The following GRIN2A variants were observed in gnomAD, a reference collection of about 807,000 sequenced individuals.
The protein encoded by GRIN2A is glutamate ionotropic receptor NMDA type subunit 2A.
Under a neutral mutation model 113.4 loss-of-function variants are expected in GRIN2A, and 22 were observed. The observed-to-expected ratio is 0.19, with a 90% CI of 0.14 to 0.28. The LOEUF (loss-of-function observed/expected upper bound fraction) is 0.28. Among genes scored for constraint, GRIN2A ranks in the 10% least tolerant of loss-of-function variants. GRIN2A has a pLI of 1.00. For missense variants in GRIN2A, 1,502 were observed against 1,887.0 expected (o/e 0.80, Z 3.78); for synonymous variants, 827 against 738.4 (o/e 1.12, Z -1.94).
intron 2 of GRIN2A, among the ~76,000 whole-genome samples, chr16:10,110,339 C>T (rs149178264): frequency 3.8e-4 from 58 of 152,338 alleles, no homozygotes; most frequent in African/African-American, 1.3e-3. Flanking sequence ...CTAGATCACA[C>T]AGGACCTCAT....
intron 2 of GRIN2A, among the ~76,000 whole-genome samples, chr16:10,027,010 C>T (rs1945824844): frequency 6.6e-6 from 1 of 152,166 alleles, no homozygotes; most frequent in South Asian, 2.1e-4. Context: ...TTCCTTTTGC[C>T]TTTCCCTAAT....
chr16:10,073,356 G>T (rs1188622745), intron 2 of GRIN2A, among the ~76,000 whole-genome samples: 1 of 152,178 alleles, frequency 6.6e-6, no homozygotes, highest in African/African-American at 2.4e-5. Flanking sequence ...ATAGACTGCA[G>T]TCTCTAAAGA....
At chr16:9,997,720 C>T (rs1055093481) in intron 2 of GRIN2A, among the ~76,000 whole-genome samples, 1 of 152,148 alleles carries the variant, frequency 6.6e-6, no homozygotes, top group African/African-American at 2.4e-5. Context: ...ATGGGAGGGA[C>T]CCAGTGGGAG....
intron 12 of GRIN2A, 143 bp from the exon 13 acceptor site, chr16:9,765,091 G>T: frequency 9.9e-7 from 1 of 1,011,288 alleles, no homozygotes; most frequent in Non-Finnish European, 1.5e-6. Flanking sequence ...TCTGAATCCT[G>T]ATAATGTCTC....
intron 2 of GRIN2A, among the ~76,000 whole-genome samples, chr16:10,104,024 C>T (rs1011831991): frequency 6.6e-6 from 1 of 152,184 alleles, no homozygotes; most frequent in Non-Finnish European, 1.5e-5. Flanking sequence ...TTATCAATGT[C>T]CTTCTTAAAA....
At chr16:9,785,498 G>A (rs1902184053) in intron 11 of GRIN2A, among the ~76,000 whole-genome samples, 1 of 151,266 alleles carries the variant, frequency 6.6e-6, no homozygotes, top group East Asian at 1.9e-4. Context: ...TAAATGACGA[G>A]TTAATGGGTA....
intron 2 of GRIN2A, among the ~76,000 whole-genome samples, chr16:10,150,531 C>G (rs1043957204): frequency 1.3e-5 from 2 of 152,186 alleles, no homozygotes; most frequent in Non-Finnish European, 2.9e-5. Flanking sequence ...CTCTACCTCT[C>G]AGAACCTGTT....
intron 2 of GRIN2A, among the ~76,000 whole-genome samples, chr16:10,063,820 C>T (rs2047595251): frequency 6.6e-6 from 1 of 152,084 alleles, no homozygotes; most frequent in Non-Finnish European, 1.5e-5. Context: ...AACTTCTAGA[C>T]GTACAGTAGC....
intron 2 of GRIN2A, among the ~76,000 whole-genome samples, chr16:10,011,528 G>A (rs1046468005): frequency 6.6e-6 from 1 of 152,148 alleles, no homozygotes; most frequent in African/African-American, 2.4e-5. Flanking sequence ...TCCAACACAG[G>A]AGGAAAAACA....
chr16:9,782,592 G>T (rs533036194), intron 11 of GRIN2A, among the ~76,000 whole-genome samples: 12 of 152,314 alleles, frequency 7.9e-5, no homozygotes, highest in African/African-American at 2.9e-4. Flanking sequence ...CCACTTTGAT[G>T]GTTCTCTTGA....
chr16:10,013,027 G>C (rs951665782), intron 2 of GRIN2A, among the ~76,000 whole-genome samples: 1 of 152,166 alleles, frequency 6.6e-6, no homozygotes, highest in Non-Finnish European at 1.5e-5. Flanking sequence ...CGGTAGAGGA[G>C]CAGAAAAGAT....
At chr16:9,772,690 G>A (rs1901344540) in intron 11 of GRIN2A, among the ~76,000 whole-genome samples, 1 of 151,940 alleles carries the variant, frequency 6.6e-6, no homozygotes, top group African/African-American at 2.4e-5. Flanking sequence ...TGGAGTCTGG[G>A]AGGACACAAA....
At chr16:10,054,903 C>T (rs1392796186) in intron 2 of GRIN2A, among the ~76,000 whole-genome samples, 2 of 151,000 alleles carry the variant, frequency 1.3e-5, no homozygotes, top group Admixed American at 6.6e-5. Context: ...AAAAATTAGC[C>T]GGACATGGTG....
At chr16:10,130,572 G>A (rs1340587386) in intron 2 of GRIN2A, among the ~76,000 whole-genome samples, 1 of 152,140 alleles carries the variant, frequency 6.6e-6, no homozygotes, top group East Asian at 1.9e-4. Context: ...AAAGGAACAG[G>A]ACATTATATA....
chr16:9,857,049 C>A (rs577880999), intron 4 of GRIN2A, among the ~76,000 whole-genome samples: 1 of 152,160 alleles, frequency 6.6e-6, no homozygotes, highest in South Asian at 2.1e-4. Context: ...CTTATAACCT[C>A]GGTGTAATTA....
Position 10,156,203 on chromosome 16 carries a change from G to A in GRIN2A, c.414+23795C>T, listed in dbSNP as rs1025690995. ...TTTTCAACTCTCTTGCTATGCATGAGGTCAGCCATTTCATGGCTCCACCCA... is the reference window on the plus strand; with the variant it reads ...TTTTCAACTCTCTTGCTATGCATGAAGTCAGCCATTTCATGGCTCCACCCA... On this transcript the variant is annotated intron_variant, in intron 2 of 12. Coordinates refer to ENST00000330684, the MANE Select transcript of GRIN2A (RefSeq NM_001134407.3). 6.6e-5 allele frequency among the ~76,000 whole-genome samples: 10 copies of A among 152,158 alleles called. No homozygotes were observed. The East Asian group carries it at 1.9e-3, about 29-fold the overall frequency.
chr16:9,798,454 C>T lies in GRIN2A; in HGVS notation c.2179G>A (p.Ala727Thr), dbSNP rs1555488144. The change falls in exon 11 of 13, where the codon GCT (alanine) becomes ACT (threonine). Residue 727 changes from alanine (A) to threonine (T), a missense_variant. By Grantham distance (58) the Ala-to-Thr change is moderately conservative. Coordinates refer to ENST00000330684, the MANE Select transcript of GRIN2A (RefSeq NM_001134407.3). ...AAGACTGCGGCATCGTAGATGAAAG[C>T]GTCCAGCTTCCTGAAATGACAAGAA... is the stretch of plus-strand genomic sequence containing the variant. ...LVSLKTGKLD[A>T]FIYDAAVLNY... is the part of the protein sequence containing the mutation. The T allele has an allele frequency of 6.2e-7, 1 of 1,613,944 alleles. No individual in the cohort carries two copies.
intron 4 of GRIN2A, among the ~76,000 whole-genome samples, chr16:9,863,460 C>A (rs1228840406): frequency 6.6e-6 from 1 of 152,198 alleles, no homozygotes; most frequent in Non-Finnish European, 1.5e-5. Flanking sequence ...CTTCTGAGGA[C>A]CTTGAATTCC....
At chr16:10,023,871 A>C (rs1174821432) in intron 2 of GRIN2A, among the ~76,000 whole-genome samples, 2 of 152,258 alleles carry the variant, frequency 1.3e-5, no homozygotes, top group African/African-American at 4.8e-5. Context: ...AAAACATCCC[A>C]AAACATTGCA....
Sources: allele counts gnomAD v4.1 joint callset (sites outside exome capture counted in the v4.1 genomes callset), GRCh38; gene constraint gnomAD v4.1.1; transcripts MANE v1.5; gene names NCBI Gene and HGNC (gene_info 2026-07-23, HGNC 2026-07-21).